Variants in TDRD9 observed in about 807,000 individuals in gnomAD.
TDRD9 encodes the protein ATP-dependent RNA helicase TDRD9.
In TDRD9, 124 loss-of-function variants were observed where a neutral mutation model predicts 172.6. The ratio of observed to expected loss-of-function variants is 0.72; its 90% CI spans 0.62 to 0.83. The LOEUF is 0.83. Ranked by LOEUF, TDRD9 falls within the 40% of genes least tolerant of loss-of-function variation. The pLI is 0.00. For synonymous variants in TDRD9, 619 were observed against 617.1 expected, an observed-to-expected ratio of 1.00 and a Z score of -0.05; for missense variants, 1,479 against 1,714.1, an observed-to-expected ratio of 0.86 and a Z score of 2.42.
intron 12 of TDRD9, among the ~76,000 whole-genome samples, chr14:103,996,821 G>A (rs561122005): frequency 3.9e-5 from 6 of 152,328 alleles, no homozygotes; most frequent in African/African-American, 1.4e-4. Flanking sequence ...TGGGTAGGGA[G>A]TGTCAGGGAA....
intron 1 of TDRD9, among the ~76,000 whole-genome samples, chr14:103,938,432 ATATATATATTTT>A (rs565364630): frequency 0.076 from 2,825 of 37,162 alleles, 178 homozygotes; most frequent in East Asian, 0.23. Context: ...ATATATATAT[ATATATATATTTT>A]TTTTTTTTTT....
chr14:104,021,918 A>G lies in TDRD9; in HGVS notation c.2433-239A>G, dbSNP rs976427572. The stretch of plus-strand genomic sequence containing the variant: ...GACTTTAGTGTTTATTCTGCATTAT[A>G]TTATACAAGGATGATACTTGGTTTT... On this transcript the variant is annotated intron_variant, in intron 23 of 35. Transcript: ENST00000409874. Among the ~76,000 whole-genome samples, 4 of 152,320 alleles carry G rather than the reference A, an allele frequency of 2.6e-5. No individual in the cohort carries two copies. In the East Asian group the frequency reaches 5.8e-4, roughly 22 times the overall value.
Position 103,986,128 on chromosome 14 carries a change from A to G in TDRD9, c.1012-89A>G, listed in dbSNP as rs527241088. 316 of 859,004 alleles carry G rather than the reference A, an allele frequency of 3.7e-4. No homozygotes were observed. The African/African-American group carries it at 4.5e-3, about 12-fold the overall frequency. 53.2% of individuals were successfully genotyped at this position (859,004 alleles called of 1,614,324 possible). On this transcript the variant is annotated intron_variant, in intron 7 of 35. Transcript: ENST00000409874. ...TTTAGAGAGTTTGTTACAGTGTTGT[A>G]CTAATGGTGAGAGCCAGTCCCATCC...
At chr14:103,959,086 G>A (rs1379457893) in intron 2 of TDRD9, among the ~76,000 whole-genome samples, 1 of 152,158 alleles carries the variant, frequency 6.6e-6, no homozygotes, top group Admixed American at 6.5e-5. Context: ...ATTGGAGGGG[G>A]CCAGAGTGGA....
chr14:103,966,176 C>G (rs147416859), intron 4 of TDRD9, among the ~76,000 whole-genome samples: 1 of 151,896 alleles, frequency 6.6e-6, no homozygotes, highest in East Asian at 1.9e-4. Context: ...ACTAAAAATA[C>G]AAAAATTAGC....
chr14:104,037,394 C>T (rs981074584), intron 32 of TDRD9, among the ~76,000 whole-genome samples: 4 of 152,184 alleles, frequency 2.6e-5, no homozygotes, highest in Non-Finnish European at 1.5e-5. Flanking sequence ...TCCTGGCCCC[C>T]CTTGTTAAAC....
Position 104,026,805 on chromosome 14 carries a change from G to A in TDRD9, c.3148G>A (p.Val1050Ile), listed in dbSNP as rs1287524309. ...GAGCGGCTGCACCCTCCTTGTGAAG[G>A]TCTTCTCTGTGGTGCACAGCGTCCT... ...LVSGCTLLVK[V>I]FSVVHSVLHV... Residue 1050 changes from valine (V) to isoleucine (I), a missense_variant, in exon 28 of 36, where the codon GTC becomes ATC. By Grantham distance (29) the Val-to-Ile change is conservative. Around this residue, in one of 3 missense-constraint regions of TDRD9, gnomAD observed 1,413 missense variants for 1,649.1 expected, o/e 0.86. Coordinates refer to ENST00000409874, the MANE Select transcript of TDRD9 (RefSeq NM_153046.3). The A allele has an allele frequency of 2.5e-6, 4 of 1,614,032 alleles. No individual in the cohort carries two copies. Among genetic ancestry groups the A allele is most frequent in the East Asian group, 2.2e-5 (1 of 44,890 alleles).
At chr14:103,962,389 G>C (rs1035533372) in intron 2 of TDRD9, among the ~76,000 whole-genome samples, 9 of 152,206 alleles carry the variant, frequency 5.9e-5, no homozygotes, top group Admixed American at 5.9e-4. Context: ...GCAGTGCTGA[G>C]CTTGCAATAT....
chr14:104,011,478 C>T (rs560486621), intron 20 of TDRD9, among the ~76,000 whole-genome samples: 1 of 152,132 alleles, frequency 6.6e-6, no homozygotes, highest in African/African-American at 2.4e-5. Flanking sequence ...GTATTTCTTA[C>T]ATATTTGATA....
rs749040769 is a variant in TDRD9, at chr14:103,998,606, C to CT, written c.1379-10dup. 6.1e-5 allele frequency: 85 copies of CT among 1,389,028 alleles called. No homozygotes were observed. The highest frequency in any genetic ancestry group is 1.8e-4 in the Middle Eastern group (1 of 5,550). The allele number at this position is 1,389,028 out of a possible 1,614,324, so 86.0% of individuals were successfully genotyped here. A position where few individuals can be genotyped will look rare whatever the true frequency, so the allele number is the denominator to read the frequency against. On this transcript the variant is annotated splice_polypyrimidine_tract_variant and intron_variant, in intron 12 of 35. Coordinates refer to ENST00000409874, the MANE Select transcript of TDRD9 (RefSeq NM_153046.3). ...TCTTATTAGCATGGTGTTTACAGTC[C>CT]TTTTTTTTAAATGGCAGTTATAGAT... is the stretch of plus-strand genomic sequence containing the variant.
chr14:103,941,185 T>C, intron 1 of TDRD9: 3 of 1,129,400 alleles, frequency 2.7e-6, no homozygotes, highest in South Asian at 3.3e-5. Context: ...GCTTGAATAA[T>C]GTATACAAGT....
intron 1 of TDRD9, chr14:103,941,571 T>C (rs1446178044): frequency 2.0e-6 from 3 of 1,535,396 alleles, no homozygotes; most frequent in Non-Finnish European, 2.6e-6. Context: ...TATTAATCTC[T>C]CTCGCTCCTT....
intron 1 of TDRD9, among the ~76,000 whole-genome samples, chr14:103,949,287 A>T (rs1472500577): frequency 6.6e-6 from 1 of 152,262 alleles, no homozygotes; most frequent in African/African-American, 2.4e-5. Context: ...CTTGGCTCAC[A>T]TAAGCAAACA....
At position 103,997,798 on chromosome 14, in the gene TDRD9, C is replaced by T. The variant is rs553817965; in HGVS notation, c.1379-826C>T. Reference sequence around the variant, plus strand: ...GGAGTGGAGGAGTGCATCAGATGCCCATGGCGGGTCAAGGAGGACCTCCCA... The same window carrying T: ...GGAGTGGAGGAGTGCATCAGATGCCTATGGCGGGTCAAGGAGGACCTCCCA... On this transcript the variant is annotated intron_variant, in intron 12 of 35. Coordinates refer to ENST00000409874, the MANE Select transcript of TDRD9 (RefSeq NM_153046.3). This position sits in a 1 kb window ranked among gnomAD's most constrained non-coding sequence, Gnocchi z 5.1. 6.6e-6 allele frequency among the ~76,000 whole-genome samples: 1 copy of T among 152,296 alleles called. No individual in the cohort carries two copies. The highest frequency in any genetic ancestry group is 1.9e-4 in the East Asian group (1 of 5,174).
At chr14:103,940,972 C>G (rs1173926971) in intron 1 of TDRD9, 1 of 1,535,474 alleles carries the variant, frequency 6.5e-7, no homozygotes, top group African/African-American at 1.4e-5. Flanking sequence ...GCAGTCCATG[C>G]TCCCTGAGTC....
chr14:103,962,640 CTCT>C (rs1398473561), intron 2 of TDRD9, among the ~76,000 whole-genome samples: 2 of 152,106 alleles, frequency 1.3e-5, no homozygotes, highest in Non-Finnish European at 2.9e-5. Flanking sequence ...CCCTCCCTCC[CTCT>C]TCTTCTTGGA....
chr14:103,941,438 G>A (rs1440446734), intron 1 of TDRD9: 7 of 1,535,242 alleles, frequency 4.6e-6, no homozygotes, highest in Non-Finnish European at 5.2e-6. Context: ...GAACTTGTGA[G>A]CAAAGAACTT....
intron 34 of TDRD9, among the ~76,000 whole-genome samples, chr14:104,043,481 G>C (rs1313362755): frequency 6.6e-6 from 1 of 151,992 alleles, no homozygotes; most frequent in African/African-American, 2.4e-5. Context: ...CGATCCACCC[G>C]CTTCAGCCTC....
At position 103,994,626 on chromosome 14, in the gene TDRD9, T is replaced by C. The variant is rs766489244; in HGVS notation, c.1320+23T>C. 9 of 1,590,780 alleles carry C rather than the reference T, an allele frequency of 5.7e-6. No homozygotes were observed. The Admixed American group carries it at 1.6e-4, about 28-fold the overall frequency. ...AAGGTAGGAAAACTGGGAAGACAAGTTCTAAGCACTTTAGGTAAATTTTCC... is the reference window on the plus strand; with the variant it reads ...AAGGTAGGAAAACTGGGAAGACAAGCTCTAAGCACTTTAGGTAAATTTTCC... On this transcript the variant is annotated intron_variant, in intron 11 of 35. Transcript: ENST00000409874.
Sources: allele counts gnomAD v4.1 joint callset (sites outside exome capture counted in the v4.1 genomes callset), GRCh38; gene constraint gnomAD v4.1.1; regional missense constraint gnomAD v4.1.1; non-coding constraint Gnocchi (gnomAD v3.1); transcripts MANE v1.5; gene names NCBI Gene and HGNC (gene_info 2026-07-23, HGNC 2026-07-21).